The following SRD5A2 variants were observed in gnomAD, a reference collection of about 807,000 sequenced individuals.
The protein encoded by SRD5A2 is steroid 5 alpha-reductase 2, also known as 3-oxo-5-alpha-steroid 4-dehydrogenase 2.
In SRD5A2, 30 loss-of-function variants were observed where a neutral mutation model predicts 27.4. That is an observed-to-expected ratio of 1.10 (90% confidence interval 0.82 to 1.49). The LOEUF is 1.49. SRD5A2 is among the 40% of genes most tolerant of loss of function. The pLI, the probability that SRD5A2 is intolerant of heterozygous loss-of-function variation, is 0.00. For synonymous variants in SRD5A2, 141 were observed against 133.6 expected (o/e 1.06, Z -0.38); for missense variants, 348 against 323.4 (o/e 1.08, Z -0.58).
chr2:31,560,717 T>C (rs1347390415), intron 1 of SRD5A2, among the ~76,000 whole-genome samples: 1 of 152,210 alleles, frequency 6.6e-6, no homozygotes, highest in African/African-American at 2.4e-5. Flanking sequence ...CTGTTCCTTT[T>C]ATGCACCTGC....
intron 1 of SRD5A2, among the ~76,000 whole-genome samples, chr2:31,567,343 A>G (rs1300810050): frequency 6.6e-6 from 1 of 152,144 alleles, no homozygotes; most frequent in Non-Finnish European, 1.5e-5. Context: ...ACATATACAT[A>G]TAATTTTTTC....
At chr2:31,551,274 C>T (rs941798050) in intron 1 of SRD5A2, among the ~76,000 whole-genome samples, 4 of 151,938 alleles carry the variant, frequency 2.6e-5, no homozygotes, top group Admixed American at 1.3e-4. Context: ...TATTAATTCT[C>T]CCCCAAAATG....
the SRD5A2 span, among the ~76,000 whole-genome samples, chr2:31,597,140 G>A: frequency 1.3e-5 from 2 of 152,030 alleles, no homozygotes; most frequent in African/African-American, 4.8e-5. Context: ...TAGACCAATG[G>A]AACAAAATAG....
the SRD5A2 span, among the ~76,000 whole-genome samples, chr2:31,618,223 GGGAAACTGTCCCCAT>G: frequency 6.6e-6 from 1 of 152,038 alleles, no homozygotes; most frequent in East Asian, 1.9e-4. Flanking sequence ...AACAGCATGG[GGGAAACTGTCCCCAT>G]GTTTCAATTA....
chr2:31,570,251 A>G (rs1448337797), intron 1 of SRD5A2, among the ~76,000 whole-genome samples: 6 of 152,196 alleles, frequency 3.9e-5, no homozygotes, highest in African/African-American at 1.2e-4. Flanking sequence ...TGTGATTTAC[A>G]TAAGCAGAAC....
At chr2:31,530,425 G>T (rs533800468) in intron 3 of SRD5A2, among the ~76,000 whole-genome samples, 1 of 152,230 alleles carries the variant, frequency 6.6e-6, no homozygotes, top group South Asian at 2.1e-4. Flanking sequence ...CCTACGCCCT[G>T]GGAGGAACCA....
chr2:31,582,551 T>C (rs1422710654), upstream of SRD5A2, among the ~76,000 whole-genome samples: 1 of 152,264 alleles, frequency 6.6e-6, no homozygotes, highest in Non-Finnish European at 1.5e-5. Context: ...CAAGCTTTTT[T>C]TGCACTGGCT....
chr2:31,585,497 T>C (rs1004860081), upstream of SRD5A2, among the ~76,000 whole-genome samples: 1 of 152,102 alleles, frequency 6.6e-6, no homozygotes, highest in African/African-American at 2.4e-5. Context: ...GTCAGAATAA[T>C]GAGGTCCCTG....
At chr2:31,624,934 C>T in the SRD5A2 span, among the ~76,000 whole-genome samples, 1 of 152,208 alleles carries the variant, frequency 6.6e-6, no homozygotes, top group Non-Finnish European at 1.5e-5. Context: ...GGAATCTCCA[C>T]ACTGTCTTCC....
intron 4 of SRD5A2, among the ~76,000 whole-genome samples, chr2:31,526,704 G>A (rs1665791323): frequency 6.6e-6 from 1 of 152,112 alleles, no homozygotes. Flanking sequence ...CCTTCATGAG[G>A]CCTGGGAATG....
upstream of SRD5A2, among the ~76,000 whole-genome samples, chr2:31,583,651 C>CAAAAAAAAAAAAAAAAAAAAAAA (rs1558379512): frequency 1.2e-4 from 8 of 66,514 alleles, no homozygotes; most frequent in African/African-American, 4.5e-4. Flanking sequence ...AAAAAAAAAA[C>CAAAAAAAAAAAAAAAAAAAAAAA]CAAAAAAAAA....
chr2:31,630,108 C>T, the SRD5A2 span, among the ~76,000 whole-genome samples: 2 of 152,188 alleles, frequency 1.3e-5, no homozygotes, highest in East Asian at 3.8e-4. Flanking sequence ...GATTGCTCTC[C>T]CATTTGTAAG....
At chr2:31,526,368 G>A (rs902949300) in intron 4 of SRD5A2, 106 bp from the exon 5 acceptor site, 8 of 739,712 alleles carry the variant, frequency 1.1e-5, no homozygotes, top group African/African-American at 3.5e-5. Flanking sequence ...AGTTATTTTG[G>A]GCCTGACTAT....
intron 1 of SRD5A2, among the ~76,000 whole-genome samples, chr2:31,574,797 G>A (rs1025336843): frequency 6.6e-5 from 10 of 152,176 alleles, no homozygotes; most frequent in Admixed American, 5.9e-4. Flanking sequence ...GTAAAGCCAC[G>A]CCATTCATAG....
Position 31,533,745 on chromosome 2 carries a change from G to A in SRD5A2, c.303C>T (p.Leu101=), listed in dbSNP as rs1168244767. 1.2e-6 allele frequency: 2 copies of A among 1,603,572 alleles called. No individual in the cohort carries two copies. The highest frequency in any genetic ancestry group is 1.7e-6 in the Non-Finnish European group (2 of 1,175,178). Residue 101 remains leucine (L), a synonymous_variant, in exon 2 of 5, where the codon CTC becomes CTT. Transcript: ENST00000622030. ...TAGCTGGATAAGGCCTCCCTCGATTGAGCAGTGAGTACACAAATGTCCTGG... is the reference window on the plus strand; with the variant it reads ...TAGCTGGATAAGGCCTCCCTCGATTAAGCAGTGAGTACACAAATGTCCTGG... ...YFHRTFVYSL[L]NRGRPYPAIL...
the SRD5A2 span, among the ~76,000 whole-genome samples, chr2:31,597,891 T>C: frequency 6.6e-6 from 1 of 152,160 alleles, no homozygotes; most frequent in African/African-American, 2.4e-5. Context: ...GAAAGCAGTA[T>C]GGAGATTCCT....
intron 1 of SRD5A2, among the ~76,000 whole-genome samples, chr2:31,538,886 T>C (rs546289039): frequency 6.6e-6 from 1 of 152,356 alleles, no homozygotes; most frequent in Non-Finnish European, 1.5e-5. Context: ...AGAAATGTTA[T>C]CTATTTTGTT....
chr2:31,603,615 T>C, the SRD5A2 span, among the ~76,000 whole-genome samples: 2 of 152,030 alleles, frequency 1.3e-5, no homozygotes, highest in African/African-American at 4.8e-5. Context: ...GCAGCACTAT[T>C]CACAATAGCA....
At chr2:31,621,872 G>T in the SRD5A2 span, among the ~76,000 whole-genome samples, 1 of 152,030 alleles carries the variant, frequency 6.6e-6, no homozygotes, top group African/African-American at 2.4e-5. Context: ...CAAACTCATG[G>T]CCTCAAGTAA....
Sources: gnomAD v4.1 joint callset for allele counts (sites outside exome capture counted in the v4.1 genomes callset) on GRCh38, gnomAD v4.1.1 for gene constraint, MANE v1.5 for transcripts, NCBI Gene and HGNC (gene_info 2026-07-23, HGNC 2026-07-21) for gene names.